FER1L6: variants seen among roughly 807,000 people sequenced by gnomAD.
The protein encoded by FER1L6 is fer-1-like protein 6.
FER1L6 carries 177 observed loss-of-function variants against 219.2 expected under a neutral mutation model. The ratio of observed to expected loss-of-function variants is 0.81; its 90% CI spans 0.71 to 0.91. The LOEUF is 0.91. FER1L6 is among the 40% of genes least tolerant of loss of function. FER1L6 has a pLI of 0.00. For missense variants in FER1L6, 2,153 were observed against 2,259.9 expected, an observed-to-expected ratio of 0.95 and a Z score of 0.96; for synonymous variants, 768 against 824.3, an observed-to-expected ratio of 0.93 and a Z score of 1.17.
At chr8:123,879,043 G>A (rs948883525) in intron 1 of FER1L6, among the ~76,000 whole-genome samples, 1 of 152,186 alleles carries the variant, frequency 6.6e-6, no homozygotes, top group Non-Finnish European at 1.5e-5. Flanking sequence ...CAAGGATCAA[G>A]GAAGGGAGAA....
intron 39 of FER1L6, among the ~76,000 whole-genome samples, chr8:124,104,882 A>G (rs968256714): frequency 2.0e-5 from 3 of 152,210 alleles, no homozygotes; most frequent in Admixed American, 6.5e-5. Context: ...CTGAGCTTCT[A>G]TTAAATGATA....
intron 39 of FER1L6, among the ~76,000 whole-genome samples, chr8:124,118,314 T>C (rs1024325164): frequency 3.3e-5 from 5 of 152,152 alleles, no homozygotes; most frequent in African/African-American, 7.2e-5. Context: ...CCATCTCTTA[T>C]TGAGGGAACA....
rs6470195 is a variant in FER1L6, at chr8:123,852,248, A to T, written c.-8+63A>T. On this transcript the variant is annotated intron_variant, in intron 1 of 40. Transcript: ENST00000522917. The surrounding 1 kb of genome is among the most constrained non-coding windows in gnomAD (Gnocchi z 4.9). ...GTGCAGGGAAGGCAAGTTCATATCC[A>T]GAGCAAATGTGTATTCCAGTAAGGA... 26,632 of 152,236 alleles carry T rather than the reference A, an allele frequency of 0.17. 2,584 individuals are homozygous for T. The highest frequency in any genetic ancestry group is 0.35 in the East Asian group (1,792 of 5,162). The allele number at this position is 152,236 out of a possible 1,614,324, so 9.4% of individuals were successfully genotyped here. A position where few individuals can be genotyped will look rare whatever the true frequency, so the allele number is the denominator to read the frequency against.
At chr8:123,909,932 G>A (rs1047589077) in intron 1 of FER1L6, among the ~76,000 whole-genome samples, 16 of 152,182 alleles carry the variant, frequency 1.1e-4, no homozygotes, top group Non-Finnish European at 2.1e-4. Context: ...TCAGGACTTT[G>A]CAAACATATG....
intron 22 of FER1L6, among the ~76,000 whole-genome samples, chr8:124,052,088 G>C (rs972119175): frequency 6.6e-6 from 1 of 152,180 alleles, no homozygotes; most frequent in Non-Finnish European, 1.5e-5. Context: ...GATTCTAATA[G>C]AACCAGATCT....
At chr8:123,924,470 A>T (rs1813487448) in intron 1 of FER1L6, among the ~76,000 whole-genome samples, 1 of 151,958 alleles carries the variant, frequency 6.6e-6, no homozygotes, top group South Asian at 2.1e-4. Flanking sequence ...TGAACCCGGG[A>T]GGCAGAGGCT....
Position 123,975,318 on chromosome 8 carries a change from C to A in FER1L6, c.683+12C>A. 2 of 1,601,560 alleles carry A rather than the reference C, an allele frequency of 1.2e-6. No individual in the cohort carries two copies. The highest frequency in any genetic ancestry group is 1.1e-5 in the South Asian group (1 of 88,930). ...GAGCCAATAGAAAAGTAAGACAGGT[C>A]CATCCTGGGTTGTGCATAGAAATGA... On this transcript the variant is annotated intron_variant, in intron 8 of 40. Transcript: ENST00000522917.
chr8:124,053,944 T>A (rs1194757152), intron 22 of FER1L6, among the ~76,000 whole-genome samples: 1 of 152,184 alleles, frequency 6.6e-6, no homozygotes, highest in Non-Finnish European at 1.5e-5. Flanking sequence ...TCTATCCAAG[T>A]TAGCTGCCCC....
At chr8:123,984,452 C>T (rs1640747033) in intron 11 of FER1L6, 1 of 152,200 alleles carries the variant, frequency 6.6e-6, no homozygotes. Context: ...CTATGTTACC[C>T]AGGCTGGTCT....
intron 39 of FER1L6, among the ~76,000 whole-genome samples, chr8:124,115,225 T>C (rs1463577900): frequency 6.6e-6 from 1 of 151,282 alleles, no homozygotes; most frequent in Admixed American, 6.6e-5. Context: ...AACTGTCTAT[T>C]TTTATTAGCT....
At chr8:123,932,299 G>C (rs903889717) in intron 1 of FER1L6, among the ~76,000 whole-genome samples, 26 of 152,024 alleles carry the variant, frequency 1.7e-4, no homozygotes, top group Non-Finnish European at 2.8e-4. Context: ...AGTAGAGACA[G>C]GGTTTCATTA....
intron 1 of FER1L6, among the ~76,000 whole-genome samples, chr8:123,868,475 T>G (rs994266908): frequency 6.6e-6 from 1 of 152,196 alleles, no homozygotes; most frequent in Non-Finnish European, 1.5e-5. Context: ...CCCTGATCAT[T>G]TTATTTATGA....
chr8:124,058,815 T>C (rs1225869336), intron 22 of FER1L6: 1 of 152,220 alleles, frequency 6.6e-6, no homozygotes, highest in African/African-American at 2.4e-5. Flanking sequence ...GTATTGGGCA[T>C]TGCCATCCTC....
chr8:123,859,901 C>G (rs1816714379), intron 1 of FER1L6, among the ~76,000 whole-genome samples: 1 of 146,942 alleles, frequency 6.8e-6, no homozygotes, highest in Non-Finnish European at 1.5e-5. Context: ...TTTATGGCTG[C>G]ATAGTATTCC....
At chr8:124,001,623 G>T (rs530742343) in intron 12 of FER1L6, among the ~76,000 whole-genome samples, 2 of 152,156 alleles carry the variant, frequency 1.3e-5, no homozygotes, top group East Asian at 3.9e-4. Flanking sequence ...AGGTATTTTA[G>T]TATTATTCCT....
chr8:124,116,265 G>A (rs998539003), intron 39 of FER1L6, among the ~76,000 whole-genome samples: 4 of 152,108 alleles, frequency 2.6e-5, no homozygotes, highest in Admixed American at 6.5e-5. Flanking sequence ...GGGCATGCAT[G>A]AAACACCATG....
At chr8:123,967,627 CA>C (rs1563714361) in intron 5 of FER1L6, among the ~76,000 whole-genome samples, 1 of 152,182 alleles carries the variant, frequency 6.6e-6, no homozygotes, top group Non-Finnish European at 1.5e-5. Flanking sequence ...CTCTTTGACA[CA>C]ATGAATTATT....
At chr8:124,054,362 C>A (rs1314390599) in intron 22 of FER1L6, among the ~76,000 whole-genome samples, 2 of 152,208 alleles carry the variant, frequency 1.3e-5, no homozygotes, top group Admixed American at 6.5e-5. Context: ...TATATCACAT[C>A]TGTTTTGGGG....
intron 1 of FER1L6, among the ~76,000 whole-genome samples, chr8:123,904,118 G>T (rs974967144): frequency 6.6e-5 from 10 of 152,110 alleles, no homozygotes; most frequent in Admixed American, 1.3e-4. Flanking sequence ...GGGTGTGATT[G>T]GCTTTAGGGG....
Sources: gnomAD v4.1 joint callset for allele counts (sites outside exome capture counted in the v4.1 genomes callset) on GRCh38, gnomAD v4.1.1 for gene constraint, Gnocchi (gnomAD v3.1) non-coding constraint, MANE v1.5 for transcripts, NCBI Gene and HGNC (gene_info 2026-07-23, HGNC 2026-07-21) for gene names.